LRP1: variants seen among roughly 807,000 people sequenced by gnomAD.
LRP1 encodes LDL receptor related protein 1.
LRP1 carries 51 observed loss-of-function variants against 541.5 expected under a neutral mutation model. The ratio of observed to expected loss-of-function variants is 0.09; its 90% CI spans 0.08 to 0.12. LRP1 has a LOEUF of 0.12. Among genes scored for constraint, LRP1 ranks in the 10% least tolerant of loss-of-function variants. LRP1 has a pLI of 1.00. For missense variants in LRP1, 3,878 were observed against 6,376.2 expected, an observed-to-expected ratio of 0.61 and a Z score of 13.34; for synonymous variants, 2,219 against 2,470.8, an observed-to-expected ratio of 0.90 and a Z score of 3.02.
chr12:57,197,253 GCC>G lies in LRP1; in HGVS notation c.9077-45_9077-44del. The G allele has an allele frequency of 6.2e-7, 1 of 1,612,854 alleles. No individual in the cohort carries two copies. Among genetic ancestry groups the G allele is most frequent in the African/African-American group, 1.3e-5 (1 of 75,014 alleles). ...AGCTCCAGACAGGCAGGAGACCAGG[GCC>G]GCTAGAATGTGCCAGGAGCTGAGGC... On this transcript the variant is annotated intron_variant, in intron 56 of 88. Coordinates refer to ENST00000243077, the MANE Select transcript of LRP1 (RefSeq NM_002332.3). The surrounding 1 kb of genome is among the most constrained non-coding windows in gnomAD (Gnocchi z 4.5).
rs563896120 is a variant in LRP1 at position 57,154,442 on chromosome 12, A to T, written c.1005-37A>T. 10 of 1,607,690 alleles carry T rather than the reference A, an allele frequency of 6.2e-6. No homozygotes were observed. Among genetic ancestry groups the T allele is most frequent in the Non-Finnish European group, 8.5e-6 (10 of 1,174,850 alleles). ...GGCTACAGTGGTAAGGAGGGTGCCCAATGTCCAGACCCCATTTAACATGCA... is the reference window on the plus strand; with the variant it reads ...GGCTACAGTGGTAAGGAGGGTGCCCTATGTCCAGACCCCATTTAACATGCA... On this transcript the variant is annotated intron_variant, in intron 7 of 88. Transcript: ENST00000243077. This position sits in a 1 kb window ranked among gnomAD's most constrained non-coding sequence, Gnocchi z 4.6.
chr12:57,175,434 C>T, intron 22 of LRP1, 26 bp from the exon 23 acceptor site: 2 of 1,610,594 alleles, frequency 1.2e-6, no homozygotes, highest in Non-Finnish European at 1.7e-6. Context: ...GACCCTGGGT[C>T]TGTTCCATGC....
At chr12:57,174,074 C>A in intron 22 of LRP1, 94 bp downstream of exon 22, 2 of 1,290,810 alleles carry the variant, frequency 1.5e-6, no homozygotes, top group Non-Finnish European at 2.2e-6. Context: ...TAGGAGAGAG[C>A]AGCTCTGGCA....
In LRP1 at chr12:57,208,118, T is replaced by C. The variant is rs1263518596; in HGVS notation, c.11940T>C (p.Asp3980=). 1.2e-6 allele frequency: 2 copies of C among 1,613,860 alleles called. No homozygotes were observed. Among genetic ancestry groups the C allele is most frequent in the African/African-American group, 1.3e-5 (1 of 74,868 alleles). ...TGTACTGGACCGACTCGGGCCGAGA[T>C]GTGATTGAGGTGGCGCAGATGAAGG... is the stretch of plus-strand genomic sequence containing the variant. ...GNVYWTDSGR[D]VIEVAQMKGE... is the part of the protein sequence containing the mutation. Residue 3980 remains aspartate, a synonymous_variant, in exon 77 of 89, where the codon GAT becomes GAC. Transcript: ENST00000243077.
At position 57,178,725 on chromosome 12, in the gene LRP1, G is replaced by A; in HGVS notation, c.4606+122G>A. On this transcript the variant is annotated intron_variant, in intron 27 of 88. Coordinates refer to ENST00000243077, the MANE Select transcript of LRP1 (RefSeq NM_002332.3). This position sits in a 1 kb window ranked among gnomAD's most constrained non-coding sequence, Gnocchi z 5.8. Reference sequence around the variant, plus strand: ...AGCAAGTCTGTGCTGGGATGGCAGGGGTAGGCCGGCTGTTGACAGAGGCAC... The same window carrying A: ...AGCAAGTCTGTGCTGGGATGGCAGGAGTAGGCCGGCTGTTGACAGAGGCAC... 5 of 1,533,494 alleles carry A rather than the reference G, an allele frequency of 3.3e-6. No individual in the cohort carries two copies. The highest frequency in any genetic ancestry group is 4.4e-6 in the Non-Finnish European group (5 of 1,131,726). The allele number at this position is 1,533,494 out of a possible 1,614,324, so 95.0% of individuals were successfully genotyped here.
chr12:57,179,253 AG>A lies in LRP1; in HGVS notation c.4739-74del. ...GTAGCAAACAGACGGATCCAGAAGA[AG>A]GCAGGGCCTGAAACCGGATTGGTGG... On this transcript the variant is annotated intron_variant, in intron 28 of 88. Coordinates refer to ENST00000243077, the MANE Select transcript of LRP1 (RefSeq NM_002332.3). This position sits in a 1 kb window ranked among gnomAD's most constrained non-coding sequence, Gnocchi z 6.8. The A allele has an allele frequency of 1.6e-6, 2 of 1,289,096 alleles. No homozygotes were observed. Among genetic ancestry groups the A allele is most frequent in the Non-Finnish European group, 2.2e-6 (2 of 906,778 alleles). The allele number at this position is 1,289,096 out of a possible 1,614,324, so 79.9% of individuals were successfully genotyped here.
intron 1 of LRP1, among the ~76,000 whole-genome samples, chr12:57,134,756 G>C (rs1353714564): frequency 6.6e-6 from 1 of 151,772 alleles, no homozygotes; most frequent in Admixed American, 6.6e-5. Context: ...CCAGGCTGGA[G>C]TGCAGTGGCG....
chr12:57,195,888 G>A lies in LRP1; in HGVS notation c.8586G>A (p.Glu2862=). 1 of 1,613,788 alleles carries A rather than the reference G, an allele frequency of 6.2e-7. No individual in the cohort carries two copies. Reference sequence around the variant, plus strand: ...AGTACCCGACCTGCGGCCCCAGTGAGTTCCGCTGTGCCAATGGGCGCTGTC... The same window carrying A: ...AGTACCCGACCTGCGGCCCCAGTGAATTCCGCTGTGCCAATGGGCGCTGTC... ...ECEYPTCGPS[E]FRCANGRCLS... is the part of the protein sequence containing the mutation. Residue 2862 remains glutamate, a synonymous_variant, in exon 54 of 89, where the codon GAG becomes GAA. Transcript: ENST00000243077.
chr12:57,202,093 G>A (rs910831952), intron 67 of LRP1, 188 bp downstream of exon 67: 15 of 710,910 alleles, frequency 2.1e-5, no homozygotes, highest in African/African-American at 1.2e-4. Context: ...ACATCCACCC[G>A]TGCCCCATGT....
At chr12:57,140,835 C>T (rs539468946) in intron 2 of LRP1, among the ~76,000 whole-genome samples, 3 of 152,204 alleles carry the variant, frequency 2.0e-5, no homozygotes, top group African/African-American at 4.8e-5. Context: ...TGGGTTCAAG[C>T]GATTCTCCTG....
At chr12:57,132,013 C>T (rs1036441855) in intron 1 of LRP1, 1 of 152,566 alleles carries the variant, frequency 6.6e-6, no homozygotes, top group Admixed American at 6.5e-5. Flanking sequence ...ACTCCTCAGA[C>T]TCTTTACCTT....
At position 57,197,014 on chromosome 12, in the gene LRP1, C is replaced by T. The variant is rs1800156; in HGVS notation, c.8925C>T (p.Asp2975=). 0.33 allele frequency: 528,228 copies of T among 1,612,374 alleles called. 90,242 individuals carry two copies. The highest frequency in any genetic ancestry group is 0.5 in the African/African-American group (37,348 of 74,896). The part of the protein sequence containing the change: ...CRCRPGFRLK[D]DGRTCADVDE... ...GTCGCCCTGGCTTCCGGCTGAAGGA[C>T]GACGGCCGGACGTGTGCTGATGTGG... The change falls in exon 56 of 89, where the codon GAC becomes GAT. Residue 2975 remains aspartate (D), a synonymous_variant. Transcript: ENST00000243077. This position sits in a 1 kb window ranked among gnomAD's most constrained non-coding sequence, Gnocchi z 4.5.
At chr12:57,187,157 C>T (rs2036285626) in intron 41 of LRP1, 110 bp from the exon 42 acceptor site, 3 of 1,125,834 alleles carry the variant, frequency 2.7e-6, no homozygotes, top group Non-Finnish European at 3.8e-6. Flanking sequence ...CCATACCCCA[C>T]ACTTCGCCTT....
chr12:57,172,933 G>A (rs979415363), intron 20 of LRP1, among the ~76,000 whole-genome samples: 3 of 152,182 alleles, frequency 2.0e-5, no homozygotes, highest in Non-Finnish European at 1.5e-5. Context: ...TGAGATCTCC[G>A]GTGTCAATGG....
At chr12:57,149,005 A>G in intron 6 of LRP1, 1 of 675,708 alleles carries the variant, frequency 1.5e-6, no homozygotes. Flanking sequence ...AAATCACAAC[A>G]GGAAATGGGG....
In LRP1 at chr12:57,196,116, C is replaced by G; in HGVS notation, c.8731C>G (p.Leu2911Val). 1 of 1,607,268 alleles carries G rather than the reference C, an allele frequency of 6.2e-7. No homozygotes were observed. Among genetic ancestry groups the G allele is most frequent in the Non-Finnish European group, 8.5e-7 (1 of 1,174,838 alleles). ...EHKCNASSQF[L>V]CSSGRCVAEA... ...CAAGTGCAATGCCTCGTCACAGTTC[C>G]TGTGCAGCAGTGGGCGCTGTGTGGC... is the stretch of plus-strand genomic sequence containing the variant. Residue 2911 changes from leucine (L) to valine (V), a missense_variant, in exon 55 of 89, where the codon CTG (leucine) becomes GTG (valine). By Grantham distance (32) the Leu-to-Val change is conservative (BLOSUM62 1). Around this residue, in one of 13 missense-constraint regions of LRP1, gnomAD observed 1,100 missense variants for 1,827.4 expected, o/e 0.60. Coordinates refer to ENST00000243077, the MANE Select transcript of LRP1 (RefSeq NM_002332.3).
In LRP1 at chr12:57,185,713, G is replaced by C; in HGVS notation, c.6646G>C (p.Asp2216His). The change falls in exon 41 of 89, where the codon GAT becomes CAT. Residue 2216 changes from aspartate to histidine, a missense_variant. Transcript: ENST00000243077. This position sits in a 1 kb window ranked among gnomAD's most constrained non-coding sequence, Gnocchi z 4.9. The stretch of plus-strand genomic sequence containing the variant: ...CATTCTCAAGAGTATCCACCTGTCG[G>C]ATGAGCGCAACCTCAATGCGCCCGT... ...RTILKSIHLS[D>H]ERNLNAPVQP... The C allele has an allele frequency of 6.2e-7, 1 of 1,614,182 alleles. No individual in the cohort carries two copies. The highest frequency in any genetic ancestry group is 8.5e-7 in the Non-Finnish European group (1 of 1,180,040).
chr12:57,194,841 T>A, intron 50 of LRP1, 142 bp downstream of exon 50: 1 of 1,218,790 alleles, frequency 8.2e-7, no homozygotes, highest in Non-Finnish European at 1.2e-6. Flanking sequence ...GAGGTCAGAC[T>A]CAGAGACTCT....
intron 44 of LRP1, among the ~76,000 whole-genome samples, chr12:57,191,935 CACACA>C (rs2036409850): frequency 2.2e-4 from 1 of 4,456 alleles, no homozygotes; most frequent in Non-Finnish European, 4.4e-4. Context: ...ACATACCACA[CACACA>C]CCACATACAC....
Sources: allele counts gnomAD v4.1 joint callset (sites outside exome capture counted in the v4.1 genomes callset), GRCh38; gene constraint gnomAD v4.1.1; regional missense constraint gnomAD v4.1.1; non-coding constraint Gnocchi (gnomAD v3.1); transcripts MANE v1.5; gene names NCBI Gene and HGNC (gene_info 2026-07-23, HGNC 2026-07-21).